The following TSPAN15 variants were observed in gnomAD, a reference collection of about 807,000 sequenced individuals.
TSPAN15 encodes the protein tetraspanin-15.
TSPAN15 carries 20 observed loss-of-function variants against 34.5 expected under a neutral mutation model. That is an observed-to-expected ratio of 0.58 (90% confidence interval 0.41 to 0.84). The LOEUF (loss-of-function observed/expected upper bound fraction) is 0.84. Ranked by LOEUF, TSPAN15 falls within the 40% of genes least tolerant of loss-of-function variation. The pLI, the probability that TSPAN15 is intolerant of heterozygous loss-of-function variation, is 0.00. For missense variants in TSPAN15, 313 were observed against 386.1 expected (o/e 0.81, Z 1.59); for synonymous variants, 155 against 153.9 (o/e 1.01, Z -0.05).
At chr10:69,504,319 A>G in intron 5 of TSPAN15, 119 bp from the exon 6 acceptor site, 1 of 866,954 alleles carries the variant, frequency 1.2e-6, no homozygotes, top group Non-Finnish European at 1.8e-6. Context: ...TCTCAGCTCC[A>G]TCCCTGCTGG....
chr10:69,459,682 G>A (rs1193139988), intron 1 of TSPAN15, among the ~76,000 whole-genome samples: 1 of 152,242 alleles, frequency 6.6e-6, no homozygotes, highest in Non-Finnish European at 1.5e-5. Context: ...TTTGGGGTTC[G>A]AGTGACTGAG....
intron 1 of TSPAN15, among the ~76,000 whole-genome samples, chr10:69,472,792 G>T (rs527574243): frequency 1.1e-4 from 16 of 152,364 alleles, no homozygotes; most frequent in East Asian, 1.9e-4. Flanking sequence ...ATTGTGGTTT[G>T]TTTGGCCATT....
At chr10:69,540,181 A>G in the TSPAN15 span, among the ~76,000 whole-genome samples, 5 of 152,038 alleles carry the variant, frequency 3.3e-5, no homozygotes, top group Admixed American at 6.5e-5. Flanking sequence ...TCATGAGGTC[A>G]GGAGATCGAG....
intron 1 of TSPAN15, among the ~76,000 whole-genome samples, chr10:69,472,174 C>G (rs1037541272): frequency 3.9e-5 from 6 of 152,148 alleles, no homozygotes; most frequent in African/African-American, 1.4e-4. Flanking sequence ...CTGTGAACCT[C>G]CCTGTTCGCC....
intron 3 of TSPAN15, among the ~76,000 whole-genome samples, chr10:69,492,288 G>A (rs1046241751): frequency 6.6e-6 from 1 of 152,118 alleles, no homozygotes; most frequent in Non-Finnish European, 1.5e-5. Flanking sequence ...TGTCAACGGC[G>A]GCATAGCACT....
chr10:69,546,238 G>A, the TSPAN15 span, among the ~76,000 whole-genome samples: 1 of 152,200 alleles, frequency 6.6e-6, no homozygotes, highest in Non-Finnish European at 1.5e-5. Flanking sequence ...CCAGGGCAGT[G>A]TGTGTATGCA....
chr10:69,488,764 G>C (rs1841909095), intron 3 of TSPAN15, among the ~76,000 whole-genome samples: 1 of 152,080 alleles, frequency 6.6e-6, no homozygotes, highest in South Asian at 2.1e-4. Flanking sequence ...GCTTCAAAGG[G>C]CAAAAAGGAA....
downstream of TSPAN15, among the ~76,000 whole-genome samples, chr10:69,512,531 T>C (rs757021430): frequency 6.6e-6 from 1 of 152,188 alleles, no homozygotes; most frequent in South Asian, 2.1e-4. Context: ...AATGAACATA[T>C]CCATCACTCT....
the TSPAN15 span, among the ~76,000 whole-genome samples, chr10:69,547,626 A>AG: frequency 1.3e-5 from 2 of 152,250 alleles, no homozygotes; most frequent in Admixed American, 1.3e-4. Context: ...ACCCAGAAAC[A>AG]GGAAGTAAAT....
chr10:69,515,888 G>A, the TSPAN15 span, among the ~76,000 whole-genome samples: 1 of 152,214 alleles, frequency 6.6e-6, no homozygotes, highest in African/African-American at 2.4e-5. Context: ...TAGAGCCTGG[G>A]CACCTGCCTG....
At chr10:69,470,239 G>A (rs1327292081) in intron 1 of TSPAN15, among the ~76,000 whole-genome samples, 4 of 152,172 alleles carry the variant, frequency 2.6e-5, no homozygotes, top group Non-Finnish European at 5.9e-5. Context: ...TGTGCAGCGG[G>A]AGGTATGGAA....
At chr10:69,495,567 T>C in intron 3 of TSPAN15, 27 bp from the exon 4 acceptor site, 1 of 1,567,348 alleles carries the variant, frequency 6.4e-7, no homozygotes, top group Non-Finnish European at 8.8e-7. Context: ...GTGGTTCTTT[T>C]CCTTTGTAAT....
chr10:69,462,155 G>GTTTTTTT (rs755068937), intron 1 of TSPAN15, among the ~76,000 whole-genome samples: 5 of 82,702 alleles, frequency 6.0e-5, no homozygotes, highest in African/African-American at 1.4e-4. Context: ...TAATTTTAAA[G>GTTTTTTT]TTTTTTTTTT....
intron 1 of TSPAN15, among the ~76,000 whole-genome samples, chr10:69,459,983 C>T (rs1231148678): frequency 1.3e-5 from 2 of 150,876 alleles, no homozygotes; most frequent in African/African-American, 2.4e-5. Flanking sequence ...GGGAGAGTCA[C>T]CTGGGAGCCT....
intron 1 of TSPAN15, among the ~76,000 whole-genome samples, chr10:69,458,110 C>T: frequency 6.6e-6 from 1 of 152,168 alleles, no homozygotes; most frequent in East Asian, 1.9e-4. Flanking sequence ...GCCCCCATGA[C>T]CTTTCCAGGC....
chr10:69,473,256 C>T (rs1356048531), intron 1 of TSPAN15, among the ~76,000 whole-genome samples: 1 of 152,120 alleles, frequency 6.6e-6, no homozygotes, highest in Admixed American at 6.6e-5. Flanking sequence ...ATCTCCTGGG[C>T]TCAAGCGATG....
rs1016950327 is a variant in TSPAN15, at chr10:69,454,487, T to C, written c.96+2797T>C. 3.3e-5 allele frequency among the ~76,000 whole-genome samples: 5 copies of C among 151,778 alleles called. No homozygotes were observed. In the East Asian group the frequency reaches 9.7e-4, roughly 29 times the overall value. ...GAGCTGACATCGTGCCACGGCACTG[T>C]AGTTGGGTGACAGTGTAAGACTCGG... On this transcript the variant is annotated intron_variant, in intron 1 of 7. Transcript: ENST00000373290.
chr10:69,470,602 C>G (rs1589630914), intron 1 of TSPAN15, among the ~76,000 whole-genome samples: 2 of 152,296 alleles, frequency 1.3e-5, no homozygotes, highest in South Asian at 4.1e-4. Context: ...GTCCAAGCAA[C>G]TCTTTTAAAG....
intron 1 of TSPAN15, among the ~76,000 whole-genome samples, chr10:69,455,817 G>T (rs1194421540): frequency 2.6e-5 from 4 of 151,850 alleles, no homozygotes; most frequent in African/African-American, 9.7e-5. Context: ...AGTATATACA[G>T]CTTGATGAGT....
Sources: allele counts gnomAD v4.1 joint callset (sites outside exome capture counted in the v4.1 genomes callset), GRCh38; gene constraint gnomAD v4.1.1; transcripts MANE v1.5; gene names NCBI Gene and HGNC (gene_info 2026-07-23, HGNC 2026-07-21).